RPS6KC1: variants seen among roughly 807,000 people sequenced by gnomAD.
RPS6KC1 encodes the protein inactive ribosomal protein S6 kinase delta-1.
Under a neutral mutation model 103.8 loss-of-function variants are expected in RPS6KC1, and 54 were observed. The observed-to-expected ratio is 0.52, with a 90% CI of 0.42 to 0.65. RPS6KC1 has a LOEUF of 0.65. Among genes scored for constraint, RPS6KC1 ranks in the 30% least tolerant of loss-of-function variants. The probability of loss-of-function intolerance (pLI) is 0.00; values close to 1 mark genes in which losing one functional copy is unlikely to be tolerated. For missense variants in RPS6KC1, 1,151 were observed against 1,253.8 expected (o/e 0.92, Z 1.24); for synonymous variants, 439 against 438.7 (o/e 1.00, Z -0.01).
the RPS6KC1 span, among the ~76,000 whole-genome samples, chr1:213,645,060 A>G: frequency 6.6e-6 from 1 of 152,138 alleles, no homozygotes; most frequent in Admixed American, 6.6e-5. Flanking sequence ...AGCTTCCAAG[A>G]AAGTAATTTA....
the RPS6KC1 span, among the ~76,000 whole-genome samples, chr1:213,544,035 T>C: frequency 6.7e-6 from 1 of 150,024 alleles, no homozygotes; most frequent in Non-Finnish European, 1.5e-5. Context: ...GCACACACAC[T>C]CAAAGAGAAG....
At chr1:213,642,441 C>A in the RPS6KC1 span, among the ~76,000 whole-genome samples, 1 of 152,036 alleles carries the variant, frequency 6.6e-6, no homozygotes, top group Non-Finnish European at 1.5e-5. Context: ...TAATATCACA[C>A]GTTCTTTTCT....
At chr1:213,096,279 G>T (rs990788344) in intron 3 of RPS6KC1, among the ~76,000 whole-genome samples, 3 of 152,122 alleles carry the variant, frequency 2.0e-5, no homozygotes, top group African/African-American at 7.2e-5. Flanking sequence ...ACGTCTTCAG[G>T]CTCCTCTTCC....
At chr1:213,566,090 A>G in the RPS6KC1 span, among the ~76,000 whole-genome samples, 116 of 152,318 alleles carry the variant, frequency 7.6e-4, no homozygotes, top group African/African-American at 2.4e-3. Flanking sequence ...GAATGCAGAG[A>G]TGGATAGATG....
intron 12 of RPS6KC1, among the ~76,000 whole-genome samples, chr1:213,260,872 G>A (rs1260730939): frequency 6.6e-6 from 1 of 152,044 alleles, no homozygotes; most frequent in African/African-American, 2.4e-5. Context: ...GCGAGAGATA[G>A]GGATAACACA....
chr1:213,153,992 T>C (rs1051256605), intron 6 of RPS6KC1, among the ~76,000 whole-genome samples: 2 of 152,232 alleles, frequency 1.3e-5, no homozygotes, highest in Non-Finnish European at 2.9e-5. Flanking sequence ...GGTAATGTTA[T>C]GGTTCTTGCA....
At chr1:213,536,285 C>T in the RPS6KC1 span, among the ~76,000 whole-genome samples, 1 of 152,148 alleles carries the variant, frequency 6.6e-6, no homozygotes, top group Admixed American at 6.5e-5. Context: ...AACAGCTCCC[C>T]TTTTGAAGGT....
chr1:213,349,612 A>C, the RPS6KC1 span, among the ~76,000 whole-genome samples: 1 of 152,218 alleles, frequency 6.6e-6, no homozygotes, highest in African/African-American at 2.4e-5. Flanking sequence ...CAGGTCTTGA[A>C]GAGCAGGAGG....
At chr1:213,298,046 C>A in the RPS6KC1 span, among the ~76,000 whole-genome samples, 5 of 152,330 alleles carry the variant, frequency 3.3e-5, no homozygotes, top group Non-Finnish European at 5.9e-5. Flanking sequence ...AAGCTGAGCA[C>A]CCCCAGACCA....
the RPS6KC1 span, among the ~76,000 whole-genome samples, chr1:213,729,960 TTCCCCTG>T: frequency 6.6e-6 from 1 of 152,156 alleles, no homozygotes; most frequent in Non-Finnish European, 1.5e-5. Flanking sequence ...GTGTCTGTTG[TTCCCCTG>T]TATGTTTCCA....
chr1:213,314,111 C>T, the RPS6KC1 span, among the ~76,000 whole-genome samples: 1 of 151,988 alleles, frequency 6.6e-6, no homozygotes, highest in African/African-American at 2.4e-5. Flanking sequence ...TGTTGGTCCT[C>T]GGCCTTCCTT....
At chr1:213,317,003 G>A in the RPS6KC1 span, among the ~76,000 whole-genome samples, 1 of 152,142 alleles carries the variant, frequency 6.6e-6, no homozygotes, top group Non-Finnish European at 1.5e-5. Context: ...GGTCTTATAG[G>A]AGCCGTAATA....
the RPS6KC1 span, among the ~76,000 whole-genome samples, chr1:213,735,462 TA>T: frequency 6.6e-6 from 1 of 152,320 alleles, no homozygotes; most frequent in East Asian, 1.9e-4. Context: ...CACTAAGTTC[TA>T]AAGTGGATAA....
intron 6 of RPS6KC1, among the ~76,000 whole-genome samples, chr1:213,150,361 AG>A (rs1309719096): frequency 1.3e-5 from 2 of 148,778 alleles, no homozygotes; most frequent in East Asian, 2.0e-4. Flanking sequence ...TTTCTCACAG[AG>A]GGGGATTTGG....
the RPS6KC1 span, among the ~76,000 whole-genome samples, chr1:213,333,247 C>T: frequency 6.6e-6 from 1 of 152,192 alleles, no homozygotes. Flanking sequence ...CGTTCCTTGT[C>T]CTTTTTATGA....
At chr1:213,757,035 T>A in the RPS6KC1 span, among the ~76,000 whole-genome samples, 1 of 152,058 alleles carries the variant, frequency 6.6e-6, no homozygotes, top group Admixed American at 6.6e-5. Context: ...ATAAATGTTG[T>A]GTGTTCTGAC....
At chr1:213,590,635 G>A in the RPS6KC1 span, among the ~76,000 whole-genome samples, 3 of 152,268 alleles carry the variant, frequency 2.0e-5, no homozygotes, top group East Asian at 1.9e-4. Flanking sequence ...ATATTCCCAC[G>A]CTGATCAGTC....
At chr1:213,173,080 T>TA (rs921673780) in intron 7 of RPS6KC1, among the ~76,000 whole-genome samples, 5 of 149,296 alleles carry the variant, frequency 3.3e-5, no homozygotes, top group Admixed American at 6.7e-5. Context: ...TTTTCTCATC[T>TA]AAAAAAAAAA....
the RPS6KC1 span, among the ~76,000 whole-genome samples, chr1:213,700,475 G>A: frequency 6.6e-6 from 1 of 151,566 alleles, no homozygotes; most frequent in African/African-American, 2.4e-5. Flanking sequence ...CAGGTAATGT[G>A]ATCCCTACAC....
Sources: gnomAD v4.1 joint callset for allele counts (sites outside exome capture counted in the v4.1 genomes callset) on GRCh38, gnomAD v4.1.1 for gene constraint, MANE v1.5 for transcripts, NCBI Gene and HGNC (gene_info 2026-07-23, HGNC 2026-07-21) for gene names.